FMN2: variants seen among roughly 807,000 people sequenced by gnomAD.
FMN2 encodes formin 2, also known as formin-2.
Under a neutral mutation model 142.3 loss-of-function variants are expected in FMN2, and 51 were observed. That is an observed-to-expected ratio of 0.36 (90% CI 0.29 to 0.45). The LOEUF (loss-of-function observed/expected upper bound fraction) is 0.45. Among genes scored for constraint, FMN2 ranks in the 20% least tolerant of loss-of-function variants. The pLI is 1.00. For missense variants in FMN2, 1,936 were observed against 2,122.8 expected (o/e 0.91, Z 1.73); for synonymous variants, 882 against 869.8 (o/e 1.01, Z -0.25).
At chr1:240,338,823 A>G (rs754438906) in intron 13 of FMN2, among the ~76,000 whole-genome samples, 40 of 152,178 alleles carry the variant, frequency 2.6e-4, no homozygotes, top group Non-Finnish European at 5.4e-4. Flanking sequence ...ACATTGTAAT[A>G]TATAATGAAG....
intron 16 of FMN2, among the ~76,000 whole-genome samples, chr1:240,468,206 A>ATATGTGTGTGTGTGATATGTGTGTG (rs374934885): frequency 6.8e-6 from 1 of 147,876 alleles, no homozygotes; most frequent in Non-Finnish European, 1.5e-5. Context: ...ATATATATAT[A>ATATGTGTGTGTGTGATATGTGTGTG]TGTGTGTGTG....
intron 8 of FMN2, among the ~76,000 whole-genome samples, chr1:240,328,417 T>G (rs963938853): frequency 5.3e-5 from 8 of 151,806 alleles, no homozygotes; most frequent in African/African-American, 1.9e-4. Flanking sequence ...GAAAGTATTA[T>G]AGACAGGCAA....
At chr1:240,177,161 A>G (rs2103321907) in intron 2 of FMN2, among the ~76,000 whole-genome samples, 1 of 152,310 alleles carries the variant, frequency 6.6e-6, no homozygotes, top group South Asian at 2.1e-4. Context: ...GCATCCTAAA[A>G]TGGTTGAACA....
intron 6 of FMN2, among the ~76,000 whole-genome samples, chr1:240,254,122 G>A (rs762053334): frequency 4.9e-4 from 75 of 152,144 alleles, no homozygotes; most frequent in Admixed American, 5.2e-4. Context: ...GGAAGAAGTG[G>A]GCTGGGTGGC....
At chr1:240,407,372 C>G (rs1471153240) in intron 15 of FMN2, among the ~76,000 whole-genome samples, 1 of 152,138 alleles carries the variant, frequency 6.6e-6, no homozygotes, top group Non-Finnish European at 1.5e-5. Context: ...CTCCCAACGT[C>G]AGGTAATCTG....
chr1:240,220,032 C>T (rs776561513), intron 6 of FMN2, among the ~76,000 whole-genome samples: 14 of 152,084 alleles, frequency 9.2e-5, no homozygotes, highest in Non-Finnish European at 2.1e-4. Flanking sequence ...TACTTTGGGA[C>T]CTGAAACTGT....
intron 14 of FMN2, among the ~76,000 whole-genome samples, chr1:240,378,063 C>T (rs1204959593): frequency 6.6e-6 from 1 of 151,922 alleles, no homozygotes; most frequent in Non-Finnish European, 1.5e-5. Context: ...ACCTCTATTG[C>T]TAGTTTATAG....
chr1:240,321,025 A>G (rs1049465970), intron 8 of FMN2, among the ~76,000 whole-genome samples: 54 of 152,184 alleles, frequency 3.5e-4, no homozygotes, highest in African/African-American at 1.2e-3. Flanking sequence ...AAACTCAGCT[A>G]TTTAATATGT....
chr1:240,095,528 C>T (rs771475774), intron 1 of FMN2, among the ~76,000 whole-genome samples: 6 of 151,940 alleles, frequency 3.9e-5, no homozygotes, highest in Non-Finnish European at 8.8e-5. Context: ...TTCTAAGGCT[C>T]GCTGACTAGT....
intron 2 of FMN2, chr1:240,142,716 A>G: frequency 6.2e-7 from 1 of 1,611,168 alleles, no homozygotes; most frequent in Non-Finnish European, 8.5e-7. Context: ...ACTTTCCAGA[A>G]TGGGGGTAAC....
At chr1:240,177,581 A>T (rs1478760225) in intron 2 of FMN2, among the ~76,000 whole-genome samples, 1 of 152,148 alleles carries the variant, frequency 6.6e-6, no homozygotes, top group African/African-American at 2.4e-5. Context: ...TGAATTAAAG[A>T]TGCTAGTTCA....
chr1:240,290,623 C>T (rs973791546), intron 7 of FMN2, among the ~76,000 whole-genome samples: 6 of 151,998 alleles, frequency 3.9e-5, no homozygotes, highest in African/African-American at 1.2e-4. Context: ...GATAAAGTCT[C>T]AGAGAAGTTT....
chr1:240,336,668 T>A (rs932136828), intron 13 of FMN2, among the ~76,000 whole-genome samples: 1 of 151,898 alleles, frequency 6.6e-6, no homozygotes, highest in Non-Finnish European at 1.5e-5. Flanking sequence ...AAACATATTT[T>A]GAGAAATGCA....
chr1:240,285,877 GT>G (rs987757887), intron 7 of FMN2, among the ~76,000 whole-genome samples: 8 of 152,014 alleles, frequency 5.3e-5, no homozygotes, highest in Non-Finnish European at 1.2e-4. Context: ...AGTTGGAAGA[GT>G]TTTACTGCTT....
intron 15 of FMN2, among the ~76,000 whole-genome samples, chr1:240,420,116 CA>C (rs2103140472): frequency 6.6e-6 from 1 of 152,292 alleles, no homozygotes; most frequent in South Asian, 2.1e-4. Context: ...CCCAGCTCTG[CA>C]ACCTCTTCCT....
At chr1:240,429,442 C>G (rs1278265055) in intron 15 of FMN2, among the ~76,000 whole-genome samples, 1 of 152,200 alleles carries the variant, frequency 6.6e-6, no homozygotes, top group Non-Finnish European at 1.5e-5. Flanking sequence ...CTCTCTCTCT[C>G]TGTTTTTCTT....
intron 2 of FMN2, among the ~76,000 whole-genome samples, chr1:240,159,918 T>G (rs1479927016): frequency 1.6e-5 from 2 of 128,748 alleles, no homozygotes; most frequent in Non-Finnish European, 3.3e-5. Context: ...TATATATATA[T>G]ATATATATAT....
intron 13 of FMN2, among the ~76,000 whole-genome samples, chr1:240,334,603 T>A (rs775970500): frequency 2.6e-4 from 40 of 152,254 alleles, no homozygotes; most frequent in Admixed American, 4.6e-4. Context: ...TCCCTTGGTG[T>A]ACTTGCCCAG....
chr1:240,170,390 G>C, intron 2 of FMN2: 1 of 1,202,376 alleles, frequency 8.3e-7, no homozygotes, highest in East Asian at 2.3e-5. Flanking sequence ...GGAATTGTGG[G>C]AAGTGTTGGT....
Sources: allele counts gnomAD v4.1 joint callset (sites outside exome capture counted in the v4.1 genomes callset), GRCh38; gene constraint gnomAD v4.1.1; transcripts MANE v1.5; gene names NCBI Gene and HGNC (gene_info 2026-07-23, HGNC 2026-07-21).